Variants in AGBL1 observed in about 807,000 individuals in gnomAD.
AGBL1 encodes cytosolic carboxypeptidase 4.
In AGBL1, 130 loss-of-function variants were observed where a neutral mutation model predicts 118.9. That is an observed-to-expected ratio of 1.09 (90% CI 0.95 to 1.26). The LOEUF (loss-of-function observed/expected upper bound fraction) is 1.26. Ranked by LOEUF, AGBL1 falls within the 50% of genes most tolerant of loss-of-function variation. AGBL1 has a pLI of 0.00. For synonymous variants in AGBL1, 555 were observed against 478.9 expected (o/e 1.16, Z -2.08); for missense variants, 1,584 against 1,298.1 (o/e 1.22, Z -3.38).
chr15:86,334,657 A>AAG (rs397825527), intron 17 of AGBL1, among the ~76,000 whole-genome samples: 20 of 152,050 alleles, frequency 1.3e-4, no homozygotes, highest in Non-Finnish European at 2.4e-4. Flanking sequence ...AGAAAAAAAA[A>AAG]CTATTCTAAA....
intron 18 of AGBL1, among the ~76,000 whole-genome samples, chr15:86,437,251 C>A (rs908484959): frequency 1.3e-5 from 2 of 151,974 alleles, no homozygotes; most frequent in Non-Finnish European, 2.9e-5. Flanking sequence ...GTGTTGTGAC[C>A]AAAACTCCCC....
chr15:86,318,084 TG>T (rs897615995), intron 17 of AGBL1, among the ~76,000 whole-genome samples: 1 of 152,218 alleles, frequency 6.6e-6, no homozygotes, highest in African/African-American at 2.4e-5. Context: ...AATACAGCAG[TG>T]CATGAATGTC....
intron 4 of AGBL1, among the ~76,000 whole-genome samples, chr15:86,157,642 G>C (rs1219653830): frequency 6.6e-6 from 1 of 152,162 alleles, no homozygotes; most frequent in Non-Finnish European, 1.5e-5. Context: ...TCACTTTACT[G>C]ATGAGAGGTA....
chr15:86,811,806 G>T (rs2078794162), intron 22 of AGBL1, among the ~76,000 whole-genome samples: 1 of 152,138 alleles, frequency 6.6e-6, no homozygotes, highest in African/African-American at 2.4e-5. Flanking sequence ...AGTAACACCT[G>T]TCAATAAATT....
intron 22 of AGBL1, among the ~76,000 whole-genome samples, chr15:86,813,142 G>C (rs536079357): frequency 6.6e-6 from 1 of 152,068 alleles, no homozygotes; most frequent in Non-Finnish European, 1.5e-5. Context: ...TCATGAAACA[G>C]CCTCGAACAC....
intron 22 of AGBL1, among the ~76,000 whole-genome samples, chr15:86,903,220 T>C (rs2080236256): frequency 6.6e-6 from 1 of 152,094 alleles, no homozygotes; most frequent in Admixed American, 6.5e-5. Flanking sequence ...ATCTAGCTTT[T>C]GATATTTTTT....
chr15:87,002,843 T>C (rs200821297), intron 24 of AGBL1, among the ~76,000 whole-genome samples: 39 of 147,644 alleles, frequency 2.6e-4, no homozygotes, highest in South Asian at 8.7e-4. Context: ...CCTGAGACTT[T>C]GCTGAAGTTG....
chr15:86,756,188 A>G (rs1032258727), intron 22 of AGBL1, among the ~76,000 whole-genome samples: 1 of 152,098 alleles, frequency 6.6e-6, no homozygotes, highest in South Asian at 2.1e-4. Flanking sequence ...GAAATATGCA[A>G]AAACAGCTCA....
intron 22 of AGBL1, among the ~76,000 whole-genome samples, chr15:86,764,458 A>T (rs1320223102): frequency 1.3e-5 from 2 of 152,156 alleles, no homozygotes; most frequent in East Asian, 3.9e-4. Context: ...GTGTGGGTGG[A>T]TGGAAGTGTG....
intron 21 of AGBL1, among the ~76,000 whole-genome samples, chr15:86,619,899 G>C (rs2084780603): frequency 2.0e-5 from 3 of 152,188 alleles, no homozygotes; most frequent in Admixed American, 2.0e-4. Context: ...GGGCAAACTT[G>C]ATTTCTACAA....
At chr15:86,083,518 A>G (rs1339005778) in intron 1 of AGBL1, 1 of 152,158 alleles carries the variant, frequency 6.6e-6, no homozygotes, top group African/African-American at 2.4e-5. Flanking sequence ...AAATGTGCAT[A>G]GTTAACTTCT....
chr15:86,879,286 C>T (rs1175977770), intron 22 of AGBL1, among the ~76,000 whole-genome samples: 2 of 152,214 alleles, frequency 1.3e-5, no homozygotes, highest in Admixed American at 1.3e-4. Context: ...AGGTAAGTGT[C>T]TGACTTCACA....
intron 22 of AGBL1, among the ~76,000 whole-genome samples, chr15:86,691,125 A>G (rs1347276537): frequency 6.6e-6 from 1 of 152,068 alleles, no homozygotes; most frequent in Non-Finnish European, 1.5e-5. Flanking sequence ...TTGTTACGTG[A>G]TATGGAAGCA....
At chr15:86,224,400 C>T (rs1431688712) in intron 5 of AGBL1, among the ~76,000 whole-genome samples, 1 of 152,070 alleles carries the variant, frequency 6.6e-6, no homozygotes, top group Non-Finnish European at 1.5e-5. Flanking sequence ...AACTATTTTC[C>T]ACCCTAAGGA....
intron 22 of AGBL1, among the ~76,000 whole-genome samples, chr15:86,776,481 A>AT (rs1460260592): frequency 1.3e-5 from 2 of 150,794 alleles, no homozygotes; most frequent in Non-Finnish European, 3.0e-5. Context: ...TGCTTTGTCC[A>AT]TTTTTTCTAT....
intron 22 of AGBL1, among the ~76,000 whole-genome samples, chr15:86,737,053 G>A (rs1336399270): frequency 1.3e-5 from 2 of 152,186 alleles, no homozygotes; most frequent in African/African-American, 4.8e-5. Flanking sequence ...TGTGCTGAAT[G>A]CTATGTGTAG....
chr15:86,184,539 T>A (rs2077601977), intron 5 of AGBL1, among the ~76,000 whole-genome samples: 1 of 152,026 alleles, frequency 6.6e-6, no homozygotes, highest in African/African-American at 2.4e-5. Context: ...GGGGAAGTTC[T>A]CCTGGATAAC....
At chr15:86,943,845 C>G (rs958638996) in intron 23 of AGBL1, among the ~76,000 whole-genome samples, 1 of 152,188 alleles carries the variant, frequency 6.6e-6, no homozygotes, top group Non-Finnish European at 1.5e-5. Flanking sequence ...CTCTTACCCT[C>G]GCTGTCTGCC....
chr15:86,688,437 T>C (rs1421236405), intron 22 of AGBL1, among the ~76,000 whole-genome samples: 1 of 152,118 alleles, frequency 6.6e-6, no homozygotes, highest in Non-Finnish European at 1.5e-5. Flanking sequence ...CAAATTAAGT[T>C]ATCTAACTCT....
Sources: gnomAD v4.1 joint callset for allele counts (sites outside exome capture counted in the v4.1 genomes callset) on GRCh38, gnomAD v4.1.1 for gene constraint, MANE v1.5 for transcripts, NCBI Gene and HGNC (gene_info 2026-07-23, HGNC 2026-07-21) for gene names.